HHLA2: variants seen among roughly 807,000 people sequenced by gnomAD.
HHLA2 encodes HHLA2 member of B7 family, also known as HERV-H LTR-associating protein 2.
HHLA2 carries 48 observed loss-of-function variants against 45.9 expected under a neutral mutation model. The ratio of observed to expected loss-of-function variants is 1.05; its 90% confidence interval spans 0.83 to 1.33. The LOEUF (loss-of-function observed/expected upper bound fraction) is 1.33. Among genes scored for constraint, HHLA2 ranks in the 40% most tolerant of loss-of-function variants. HHLA2 has a pLI of 0.00. For missense variants in HHLA2, 462 were observed against 494.3 expected, an observed-to-expected ratio of 0.93 and a Z score of 0.62; for synonymous variants, 161 against 173.9, an observed-to-expected ratio of 0.93 and a Z score of 0.59.
intron 2 of HHLA2, among the ~76,000 whole-genome samples, chr3:108,321,470 A>C (rs1230126108): frequency 6.6e-6 from 1 of 152,138 alleles, no homozygotes; most frequent in Non-Finnish European, 1.5e-5. Flanking sequence ...TTTCTTTAGA[A>C]TTCTGGATGT....
chr3:108,376,846 G>A, intron 10 of HHLA2: 1 of 349,776 alleles, frequency 2.9e-6, no homozygotes, highest in Admixed American at 4.4e-5. Context: ...GTGAGCCAAT[G>A]TACTTATTCT....
At chr3:108,324,635 G>C (rs1032556704) in intron 2 of HHLA2, among the ~76,000 whole-genome samples, 1 of 152,120 alleles carries the variant, frequency 6.6e-6, no homozygotes, top group African/African-American at 2.4e-5. Context: ...TCCTGTCCTT[G>C]CTTTTCTTTA....
intron 7 of HHLA2, among the ~76,000 whole-genome samples, chr3:108,360,169 A>G (rs1288093951): frequency 1.3e-5 from 2 of 152,126 alleles, no homozygotes; most frequent in Non-Finnish European, 2.9e-5. Context: ...TGAAGTCTTC[A>G]TATAAGCCCA....
At position 108,323,581 on chromosome 3, in the gene HHLA2, A is replaced by G. The variant is rs557686333; in HGVS notation, c.-104-4689A>G. Among the ~76,000 whole-genome samples, 3 of 152,272 alleles carry G rather than the reference A, an allele frequency of 2.0e-5. No individual in the cohort carries two copies. In the East Asian group the frequency reaches 5.8e-4, roughly 29 times the overall value. The stretch of plus-strand genomic sequence containing the variant: ...TCAACAATGGGTGCTTTTCTCATTT[A>G]TTTAGTAAATGGATTTCCCTGAAAT... On this transcript the variant is annotated intron_variant, in intron 2 of 10. Transcript: ENST00000619531.
intron 8 of HHLA2, among the ~76,000 whole-genome samples, chr3:108,365,787 C>G (rs1560271788): frequency 1.3e-5 from 2 of 152,214 alleles, no homozygotes; most frequent in East Asian, 3.9e-4. Context: ...CTCTGTTTGT[C>G]TGTTATTGGT....
At chr3:108,376,304 A>G (rs1366615680) in intron 9 of HHLA2, among the ~76,000 whole-genome samples, 189 bp from the exon 9 acceptor site, 4 of 152,200 alleles carry the variant, frequency 2.6e-5, no homozygotes, top group Non-Finnish European at 5.9e-5. Flanking sequence ...TGGATCAACC[A>G]TACACATTTA....
chr3:108,350,238 T>A lies in HHLA2; in HGVS notation c.-26-1550T>A, dbSNP rs1049407209. ...TTGGAGCAGTTTTGACTTTACCAAC[T>A]ATCTTAGTTATTGCTCTAAGAGAAA... On this transcript the variant is annotated intron_variant, in intron 3 of 10. Transcript: ENST00000619531. Among the ~76,000 whole-genome samples, 8 of 152,184 alleles carry A rather than the reference T, an allele frequency of 5.3e-5. No homozygotes were observed. In the East Asian group the frequency reaches 1.5e-3, roughly 29 times the overall value.
At chr3:108,310,936 A>G (rs2081008211) in intron 2 of HHLA2, among the ~76,000 whole-genome samples, 195 bp downstream of exon 2, 1 of 152,206 alleles carries the variant, frequency 6.6e-6, no homozygotes, top group East Asian at 1.9e-4. Flanking sequence ...ACCAAAATGC[A>G]CTATAAATCT....
chr3:108,307,597 G>C (rs1026971230), intron 1 of HHLA2, among the ~76,000 whole-genome samples: 1 of 151,054 alleles, frequency 6.6e-6, no homozygotes. Flanking sequence ...TCACGCCACT[G>C]CACTTCAGTC....
At chr3:108,316,011 G>A (rs1051673031) in intron 2 of HHLA2, among the ~76,000 whole-genome samples, 1 of 151,432 alleles carries the variant, frequency 6.6e-6, no homozygotes, top group South Asian at 2.1e-4. Context: ...GCATTATAAG[G>A]CTTTTATTTA....
intron 2 of HHLA2, chr3:108,311,976 CA>C (rs2081026019): frequency 6.6e-6 from 1 of 152,200 alleles, no homozygotes; most frequent in African/African-American, 2.4e-5. Context: ...CCACATTTCC[CA>C]GACTGCCTTT....
At chr3:108,324,676 G>A (rs1193078704) in intron 2 of HHLA2, among the ~76,000 whole-genome samples, 1 of 152,184 alleles carries the variant, frequency 6.6e-6, no homozygotes. Context: ...TCCTTAAACA[G>A]TACAGTTAAG....
rs145214070 is a variant in HHLA2 at position 108,362,668 on chromosome 3, C to T, written c.1108+222C>T. On this transcript the variant is annotated intron_variant, in intron 8 of 10. Coordinates refer to ENST00000619531, the Ensembl canonical transcript of HHLA2. ...TCACATTAAATGAGCAGAGGTACAC[C>T]AAACTATATACAAGCATATTCACTG... Among the ~76,000 whole-genome samples the T allele has an allele frequency of 6.4e-3, 975 of 152,250 alleles. 35 individuals are homozygous for T. Among genetic ancestry groups the T allele is most frequent in the Admixed American group, 0.058 (879 of 15,280 alleles).
chr3:108,303,265 C>A (rs973754268), intron 1 of HHLA2, among the ~76,000 whole-genome samples: 12 of 152,154 alleles, frequency 7.9e-5, no homozygotes, highest in African/African-American at 2.9e-4. Context: ...CATTTATGTG[C>A]TATAATGTAA....
chr3:108,348,597 A>G (rs982519017), intron 3 of HHLA2, among the ~76,000 whole-genome samples: 2 of 152,050 alleles, frequency 1.3e-5, no homozygotes, highest in African/African-American at 4.8e-5. Flanking sequence ...GGAGAGAGAG[A>G]GAGATCCTGA....
At chr3:108,300,832 A>C (rs114877375) in intron 1 of HHLA2, among the ~76,000 whole-genome samples, 39 of 152,228 alleles carry the variant, frequency 2.6e-4, no homozygotes, top group African/African-American at 9.4e-4. Flanking sequence ...AGAAATCTAA[A>C]TTCCCAAACA....
intron 2 of HHLA2, among the ~76,000 whole-genome samples, chr3:108,318,918 C>A (rs2081149408): frequency 6.6e-6 from 1 of 152,180 alleles, no homozygotes; most frequent in Non-Finnish European, 1.5e-5. Context: ...CATCTCATTT[C>A]TTTCATTTTG....
intron 1 of HHLA2, among the ~76,000 whole-genome samples, chr3:108,304,579 A>G (rs2080898487): frequency 6.6e-6 from 1 of 152,130 alleles, no homozygotes; most frequent in Non-Finnish European, 1.5e-5. Flanking sequence ...ATAAGCTCCC[A>G]TTCTGAGGTT....
chr3:108,300,079 T>G (rs9637379), intron 1 of HHLA2, among the ~76,000 whole-genome samples: 17,057 of 152,060 alleles, frequency 0.11, 1,724 homozygotes, highest in East Asian at 0.52. Context: ...TGAGCAGGTT[T>G]TGGGTAACAG....
Sources: allele counts gnomAD v4.1 joint callset (sites outside exome capture counted in the v4.1 genomes callset), GRCh38; gene constraint gnomAD v4.1.1; transcripts MANE v1.5; gene names NCBI Gene and HGNC (gene_info 2026-07-23, HGNC 2026-07-21).